Variants in PVT1 observed in about 807,000 individuals in gnomAD.
PVT1 encodes CXCR4/PVT1 fusion.
At chr8:128,056,070 T>C (rs1310422154) in intron 4 of PVT1, among the ~76,000 whole-genome samples, 2 of 152,202 alleles carry the variant, frequency 1.3e-5, no homozygotes, top group Non-Finnish European at 2.9e-5. Context: ...CTGCTTAACC[T>C]CTTGGGTTGG....
intron 2 of PVT1, among the ~76,000 whole-genome samples, chr8:127,885,863 G>C (rs1815516770): frequency 6.6e-6 from 1 of 152,094 alleles, no homozygotes; most frequent in Admixed American, 6.6e-5. Flanking sequence ...TTTTCTCTTA[G>C]GGGCTGTTTA....
At chr8:127,912,804 C>G (rs1257588486) in intron 3 of PVT1, among the ~76,000 whole-genome samples, 2 of 151,968 alleles carry the variant, frequency 1.3e-5, no homozygotes, top group East Asian at 2.0e-4. Flanking sequence ...TCAAGCAATT[C>G]TTCTGCCTCA....
chr8:128,058,529 C>T (rs1037153739), intron 4 of PVT1, among the ~76,000 whole-genome samples: 2 of 152,202 alleles, frequency 1.3e-5, no homozygotes, highest in African/African-American at 4.8e-5. Flanking sequence ...ACTGCTTGGA[C>T]ACCAGACTTC....
chr8:128,101,018 C>CT (rs899767597), intron 6 of PVT1: 12 of 152,226 alleles, frequency 7.9e-5, no homozygotes, highest in African/African-American at 2.9e-4. Flanking sequence ...CCACCTGGAC[C>CT]TTATGGCTCC....
At chr8:127,909,217 C>T (rs1022244776) in intron 3 of PVT1, among the ~76,000 whole-genome samples, 24 of 152,194 alleles carry the variant, frequency 1.6e-4, no homozygotes, top group African/African-American at 3.6e-4. Context: ...TCACGCAGGC[C>T]GCGTTTTTGT....
chr8:127,896,233 G>T (rs966344442), intron 3 of PVT1, among the ~76,000 whole-genome samples: 1 of 152,060 alleles, frequency 6.6e-6, no homozygotes, highest in East Asian at 1.9e-4. Context: ...ATGGTAAAAC[G>T]TAAAGGCATG....
chr8:127,845,632 C>T (rs1425454894), intron 2 of PVT1, among the ~76,000 whole-genome samples: 1 of 152,138 alleles, frequency 6.6e-6, no homozygotes, highest in Non-Finnish European at 1.5e-5. Flanking sequence ...TTCCACCTAC[C>T]GGATGGGATT....
chr8:128,011,180 A>T (rs969763218), intron 4 of PVT1, among the ~76,000 whole-genome samples: 1 of 152,228 alleles, frequency 6.6e-6, no homozygotes, highest in Non-Finnish European at 1.5e-5. Flanking sequence ...TTTCCTCAGC[A>T]TATACGAGTC....
Position 127,980,435 on chromosome 8 carries a change from G to A in PVT1, n.783-8727G>A, listed in dbSNP as rs114371854. On this transcript the variant is annotated intron_variant and non_coding_transcript_variant, in intron 3 of 10. Coordinates refer to ENST00000651587, the Ensembl canonical transcript of PVT1. ...AAGAGGCAACCTGCATACTGGGGGC[G>A]TGACTTCCTGGACGATGGGCTCTGG... Among the ~76,000 whole-genome samples the A allele has an allele frequency of 5.1e-3, 777 of 152,286 alleles. 8 individuals are homozygous for A. Among genetic ancestry groups the A allele is most frequent in the African/African-American group, 0.017 (725 of 41,562 alleles).
chr8:127,802,115 A>G (rs1379198360), intron 2 of PVT1, among the ~76,000 whole-genome samples: 1 of 151,924 alleles, frequency 6.6e-6, no homozygotes, highest in Non-Finnish European at 1.5e-5. Flanking sequence ...GGGTTTCACT[A>G]TGTTGGCCAG....
At chr8:127,811,040 C>A (rs1010478271) in intron 2 of PVT1, among the ~76,000 whole-genome samples, 1 of 152,102 alleles carries the variant, frequency 6.6e-6, no homozygotes, top group Non-Finnish European at 1.5e-5. Context: ...CCACACCAGG[C>A]GGGCCTGATC....
intron 2 of PVT1, among the ~76,000 whole-genome samples, chr8:127,873,506 A>G (rs1442605275): frequency 6.6e-6 from 1 of 152,128 alleles, no homozygotes; most frequent in Non-Finnish European, 1.5e-5. Flanking sequence ...ATAGTAGCTA[A>G]TATCTATTTC....
intron 2 of PVT1, among the ~76,000 whole-genome samples, chr8:127,817,511 A>C (rs1389704422): frequency 8.6e-6 from 1 of 116,848 alleles, no homozygotes; most frequent in African/African-American, 3.3e-5. Context: ...ATATATTTAA[A>C]TAGATATATC....
intron 3 of PVT1, among the ~76,000 whole-genome samples, chr8:127,970,409 T>G (rs1816752635): frequency 6.9e-6 from 1 of 145,606 alleles, no homozygotes; most frequent in Admixed American, 7.0e-5. Flanking sequence ...GCCATTCACC[T>G]GCCTCAGCCT....
intron 2 of PVT1, among the ~76,000 whole-genome samples, chr8:127,871,433 T>A (rs1457731936): frequency 6.6e-6 from 1 of 152,230 alleles, no homozygotes; most frequent in Non-Finnish European, 1.5e-5. Context: ...CCTAGGTTTG[T>A]GTGATGTCGG....
intron 3 of PVT1, among the ~76,000 whole-genome samples, chr8:127,907,815 A>T (rs1255092460): frequency 1.3e-5 from 2 of 151,994 alleles, no homozygotes; most frequent in Non-Finnish European, 2.9e-5. Context: ...GGCACGTTTT[A>T]TAGTGGTTGT....
chr8:127,835,973 C>G (rs1039276449), intron 2 of PVT1, among the ~76,000 whole-genome samples: 1 of 152,180 alleles, frequency 6.6e-6, no homozygotes, highest in Non-Finnish European at 1.5e-5. Flanking sequence ...CTGGGCACCA[C>G]AGGACCTTTG....
At chr8:127,904,470 ATGT>A (rs1208806281) in intron 3 of PVT1, among the ~76,000 whole-genome samples, 5 of 148,718 alleles carry the variant, frequency 3.4e-5, no homozygotes, top group African/African-American at 5.0e-5. Flanking sequence ...GATGAAGATG[ATGT>A]TGATGATGAT....
At chr8:127,804,410 A>T (rs531783026) in intron 2 of PVT1, among the ~76,000 whole-genome samples, 1 of 150,698 alleles carries the variant, frequency 6.6e-6, no homozygotes, top group East Asian at 1.9e-4. Flanking sequence ...GCTTCAAGTG[A>T]CCCTCCCACT....
Sources: gnomAD v4.1 joint callset for allele counts (sites outside exome capture counted in the v4.1 genomes callset) on GRCh38, gnomAD v4.1.1 for gene constraint, MANE v1.5 for transcripts, NCBI Gene and HGNC (gene_info 2026-07-23, HGNC 2026-07-21) for gene names.